The following SPATA13 variants were observed in gnomAD, a reference collection of about 807,000 sequenced individuals.
The protein encoded by SPATA13 is spermatogenesis associated 13, also known as spermatogenesis-associated protein 13.
Under a neutral mutation model 104.0 loss-of-function variants are expected in SPATA13, and 50 were observed. That is an observed-to-expected ratio of 0.48 (90% CI 0.38 to 0.61). The LOEUF is 0.61. SPATA13 is among the 20% of genes least tolerant of loss of function. SPATA13 has a pLI of 0.00. For missense variants in SPATA13, 1,524 were observed against 1,690.6 expected, an observed-to-expected ratio of 0.90 and a Z score of 1.73; for synonymous variants, 606 against 667.5, an observed-to-expected ratio of 0.91 and a Z score of 1.42.
chr13:24,234,575 G>A (rs1872472688), intron 2 of SPATA13, among the ~76,000 whole-genome samples: 1 of 152,200 alleles, frequency 6.6e-6, no homozygotes, highest in South Asian at 2.1e-4. Context: ...ACGTTTTGTT[G>A]GTGGGGGCCA....
chr13:24,211,015 ATTG>A lies in SPATA13; in HGVS notation c.-111-11801_-111-11799del, dbSNP rs774401907. 1.2e-4 allele frequency among the ~76,000 whole-genome samples: 19 copies of A among 152,094 alleles called. 1 individual carries two copies. In the East Asian group the frequency reaches 3.5e-3, roughly 28 times the overall value. On this transcript the variant is annotated intron_variant, in intron 1 of 12. Transcript: ENST00000382108. ...TCTTTTCGATGCTTTTGCAAATTTGATTGTTTTCTTGATTTCTTTTCAGATAGT... is the reference window on the plus strand; with the variant it reads ...TCTTTTCGATGCTTTTGCAAATTTGATTTTCTTGATTTCTTTTCAGATAGT...
chr13:24,127,587 T>C (rs760617255), intron 3 of SPATA13, among the ~76,000 whole-genome samples: 1 of 152,202 alleles, frequency 6.6e-6, no homozygotes, highest in Non-Finnish European at 1.5e-5. Flanking sequence ...ATGACTGTGA[T>C]GAGTCATTCA....
At position 24,249,791 on chromosome 13, in the gene SPATA13, C is replaced by T. The variant is rs554974242; in HGVS notation, c.1968C>T (p.Val656=). The change falls in exon 3 of 13, where the codon GTC becomes GTT. Residue 656 remains valine, a synonymous_variant. Coordinates refer to ENST00000382108, the MANE Select transcript of SPATA13 (RefSeq NM_001166271.3). ...RRRPISVIGG[V]SLYGTNQTEE... ...GCCCCATTTCCGTGATAGGTGGGGTCAGCTTGTATGGGACCAACCAGACGG... is the reference window on the plus strand; with the variant it reads ...GCCCCATTTCCGTGATAGGTGGGGTTAGCTTGTATGGGACCAACCAGACGG... 5.6e-6 allele frequency: 9 copies of T among 1,613,650 alleles called. No individual in the cohort carries two copies. The African/African-American group carries it at 1.1e-4, about 19-fold the overall frequency.
chr13:24,204,586 A>AGG (rs1157614299), intron 1 of SPATA13, among the ~76,000 whole-genome samples: 1 of 152,168 alleles, frequency 6.6e-6, no homozygotes, highest in Non-Finnish European at 1.5e-5. Flanking sequence ...CATACTCATT[A>AGG]AGCAACAGCT....
intron 1 of SPATA13, among the ~76,000 whole-genome samples, chr13:24,173,066 A>G (rs1053806633): frequency 6.6e-6 from 1 of 152,236 alleles, no homozygotes; most frequent in Non-Finnish European, 1.5e-5. Flanking sequence ...GAGTCATTAC[A>G]AAGTGGTATT....
At chr13:24,227,577 C>CTTT (rs1025725957) in intron 2 of SPATA13, among the ~76,000 whole-genome samples, 3 of 148,164 alleles carry the variant, frequency 2.0e-5, no homozygotes, top group African/African-American at 7.4e-5. Flanking sequence ...CTTCAAAATT[C>CTTT]TTTTTTTTTT....
intron 1 of SPATA13, among the ~76,000 whole-genome samples, chr13:24,199,017 T>G (rs1203038756): frequency 2.0e-5 from 3 of 151,576 alleles, no homozygotes; most frequent in Admixed American, 2.0e-4. Context: ...GGTTCATTCT[T>G]TGTTCTCTTT....
chr13:24,253,067 T>C (rs1281224157), intron 4 of SPATA13: 1 of 152,190 alleles, frequency 6.6e-6, no homozygotes, highest in African/African-American at 2.4e-5. Context: ...TGACTGTCTT[T>C]CTGTCACTCA....
chr13:24,218,822 C>G (rs940948366), intron 1 of SPATA13, among the ~76,000 whole-genome samples: 1 of 151,702 alleles, frequency 6.6e-6, no homozygotes, highest in Non-Finnish European at 1.5e-5. Flanking sequence ...AGGTTAGACA[C>G]TCCTGATGTA....
At chr13:24,227,501 G>A (rs182410829) in intron 2 of SPATA13, among the ~76,000 whole-genome samples, 1 of 152,244 alleles carries the variant, frequency 6.6e-6, no homozygotes, top group Admixed American at 6.5e-5. Flanking sequence ...AAAGGTGCGT[G>A]CACATGTTGA....
intron 4 of SPATA13, among the ~76,000 whole-genome samples, chr13:24,252,314 GTGTC>G (rs1237938376): frequency 6.6e-6 from 1 of 152,228 alleles, no homozygotes; most frequent in South Asian, 2.1e-4. Context: ...ATTCTCCCCT[GTGTC>G]TGTCTGTGTT....
intron 3 of SPATA13, among the ~76,000 whole-genome samples, chr13:24,081,382 TCTC>T (rs1879509990): frequency 2.6e-5 from 4 of 152,170 alleles, no homozygotes; most frequent in African/African-American, 2.4e-5. Context: ...CATTCACTCT[TCTC>T]CTCCCAGCCT....
At position 24,223,640 on chromosome 13, in the gene SPATA13, T is replaced by A. The variant is rs1477582724; in HGVS notation, c.711T>A (p.Ile237=). The A allele has an allele frequency of 5.2e-6, 8 of 1,552,034 alleles. No homozygotes were observed. The highest frequency in any genetic ancestry group is 7.0e-6 in the Non-Finnish European group (8 of 1,147,100). The change falls in exon 2 of 13, where the codon ATT becomes ATA. Residue 237 remains isoleucine (I), a synonymous_variant. Coordinates refer to ENST00000382108, the MANE Select transcript of SPATA13 (RefSeq NM_001166271.3). ...ATGQVPAVCE[I]LVRDPENNSM... The stretch of plus-strand genomic sequence containing the variant: ...GCCAGGTGCCCGCCGTGTGTGAGAT[T>A]CTCGTGAGGGACCCTGAAAACAACA...
chr13:24,068,601 T>C (rs905598410), intron 3 of SPATA13, among the ~76,000 whole-genome samples: 1 of 152,244 alleles, frequency 6.6e-6, no homozygotes, highest in African/African-American at 2.4e-5. Context: ...ACTGACAGTG[T>C]ATAAGCATCC....
At chr13:24,300,600 A>G (rs1422800493) in intron 12 of SPATA13, 125 bp downstream of exon 12, 13 of 849,904 alleles carry the variant, frequency 1.5e-5, no homozygotes, top group Non-Finnish European at 2.5e-5. Flanking sequence ...GTTAGAACTC[A>G]AGGGCAGGTC....
At chr13:24,124,640 A>G (rs1881149053) in intron 3 of SPATA13, among the ~76,000 whole-genome samples, 1 of 152,230 alleles carries the variant, frequency 6.6e-6, no homozygotes, top group Non-Finnish European at 1.5e-5. Context: ...TAAACAGCCC[A>G]CTTGACAGAA....
intron 2 of SPATA13, among the ~76,000 whole-genome samples, chr13:23,991,821 T>C (rs1875429684): frequency 6.6e-6 from 1 of 151,884 alleles, no homozygotes. Flanking sequence ...GGTGGGTGAG[T>C]GGGTTGCTTT....
intron 1 of SPATA13, among the ~76,000 whole-genome samples, chr13:24,173,484 C>G (rs545555406): frequency 6.7e-6 from 1 of 149,090 alleles, no homozygotes; most frequent in African/African-American, 2.5e-5. Flanking sequence ...CCCATCCATA[C>G]GCCTTTTATT....
intron 3 of SPATA13, among the ~76,000 whole-genome samples, chr13:24,022,916 G>T (rs1877048907): frequency 6.6e-6 from 1 of 151,528 alleles, no homozygotes; most frequent in Admixed American, 6.6e-5. Context: ...TATAGAGGTT[G>T]TTCAAATACA....
Sources: allele counts gnomAD v4.1 joint callset (sites outside exome capture counted in the v4.1 genomes callset), GRCh38; gene constraint gnomAD v4.1.1; transcripts MANE v1.5; gene names NCBI Gene and HGNC (gene_info 2026-07-23, HGNC 2026-07-21).